Variants in NRG1 observed in about 807,000 individuals in gnomAD.
NRG1 encodes pro-neuregulin-1, membrane-bound isoform.
A neutral mutation model predicts 63.8 loss-of-function variants in NRG1; 18 were observed. The observed-to-expected ratio is 0.28, with a 90% CI of 0.19 to 0.42. The LOEUF (loss-of-function observed/expected upper bound fraction) is 0.42. NRG1 is among the 10% of genes least tolerant of loss of function. The pLI is 1.00. For missense variants in NRG1, 762 were observed against 814.7 expected, an observed-to-expected ratio of 0.94 and a Z score of 0.79; for synonymous variants, 302 against 301.3, an observed-to-expected ratio of 1.00 and a Z score of -0.02.
At chr8:32,374,484 C>T (rs550465834) in intron 1 of NRG1, among the ~76,000 whole-genome samples, 27 of 152,202 alleles carry the variant, frequency 1.8e-4, no homozygotes, top group Non-Finnish European at 3.7e-4. Flanking sequence ...ATCTGTGTCG[C>T]ACTCACTCTT....
intron 5 of NRG1, among the ~76,000 whole-genome samples, chr8:32,684,152 C>T (rs1056690802): frequency 6.6e-5 from 10 of 152,152 alleles, no homozygotes; most frequent in African/African-American, 1.7e-4. Flanking sequence ...AACAATACAG[C>T]GAGACTTTAT....
At chr8:32,351,005 C>A (rs1273477470) in intron 1 of NRG1, among the ~76,000 whole-genome samples, 1 of 152,180 alleles carries the variant, frequency 6.6e-6, no homozygotes, top group African/African-American at 2.4e-5. Context: ...TCCATTCCCA[C>A]CTCCCCTTTT....
exon 3 of NRG1, chr8:32,605,577 C>T (rs751324419): frequency 6.2e-7 from 1 of 1,613,274 alleles, no homozygotes; most frequent in Non-Finnish European, 8.5e-7. Flanking sequence ...CAGAACTTCG[C>T]ATTAACAAAG....
intron 1 of NRG1, among the ~76,000 whole-genome samples, chr8:31,935,786 C>T (rs1835254285): frequency 6.6e-6 from 1 of 152,192 alleles, no homozygotes; most frequent in Admixed American, 6.5e-5. Flanking sequence ...CATGACTACA[C>T]ATTTCTGGCT....
chr8:32,296,103 C>A (rs918124428), intron 1 of NRG1, among the ~76,000 whole-genome samples: 2 of 152,036 alleles, frequency 1.3e-5, no homozygotes, highest in Non-Finnish European at 2.9e-5. Context: ...AGATTACCAG[C>A]GCATTAAGGA....
chr8:31,805,668 A>G (rs551030168), intron 1 of NRG1, among the ~76,000 whole-genome samples: 90 of 152,048 alleles, frequency 5.9e-4, no homozygotes, highest in Non-Finnish European at 1.1e-3. Context: ...GTCTACTAAA[A>G]ATACAAAAAG....
chr8:32,242,339 T>C (rs909665829), intron 1 of NRG1, among the ~76,000 whole-genome samples: 1 of 151,598 alleles, frequency 6.6e-6, no homozygotes, highest in African/African-American at 2.4e-5. Flanking sequence ...GGGAGTGTGG[T>C]GGTGGGCGCC....
At chr8:32,225,656 T>C (rs1846246281) in intron 1 of NRG1, among the ~76,000 whole-genome samples, 1 of 152,084 alleles carries the variant, frequency 6.6e-6, no homozygotes, top group Non-Finnish European at 1.5e-5. Flanking sequence ...AAATATACTA[T>C]TGAACAGGTG....
intron 1 of NRG1, among the ~76,000 whole-genome samples, chr8:31,956,821 T>A (rs1804517957): frequency 6.6e-6 from 1 of 152,214 alleles, no homozygotes. Flanking sequence ...GCTCATGACT[T>A]TCCAGCAATT....
At chr8:31,704,799 T>C (rs909137556) in intron 1 of NRG1, among the ~76,000 whole-genome samples, 8 of 139,650 alleles carry the variant, frequency 5.7e-5, no homozygotes, top group African/African-American at 2.2e-4. Context: ...GCCACTGCAC[T>C]CCAGCCTGGG....
chr8:32,173,343 T>C (rs1395253510), intron 1 of NRG1, among the ~76,000 whole-genome samples: 1 of 151,990 alleles, frequency 6.6e-6, no homozygotes, highest in Non-Finnish European at 1.5e-5. Context: ...GAAGGAAGCA[T>C]TAAACATGGA....
intron 1 of NRG1, among the ~76,000 whole-genome samples, chr8:32,311,091 A>T (rs41388144): frequency 6.6e-6 from 1 of 152,096 alleles, no homozygotes; most frequent in Non-Finnish European, 1.5e-5. Flanking sequence ...ATGTAGTACC[A>T]GTCAGGCACT....
At chr8:32,478,478 ATTAT>A (rs1824822975) in intron 1 of NRG1, among the ~76,000 whole-genome samples, 1 of 152,236 alleles carries the variant, frequency 6.6e-6, no homozygotes, top group South Asian at 2.1e-4. Context: ...TGTTTTACGT[ATTAT>A]TTATTTATTT....
chr8:32,574,116 T>A (rs531271733), intron 1 of NRG1, among the ~76,000 whole-genome samples: 9 of 152,282 alleles, frequency 5.9e-5, no homozygotes, highest in African/African-American at 2.2e-4. Context: ...TAAACATACA[T>A]GTGCGTGTGT....
intron 1 of NRG1, among the ~76,000 whole-genome samples, chr8:32,216,994 C>G (rs892476545): frequency 6.6e-6 from 1 of 151,936 alleles, no homozygotes; most frequent in Admixed American, 6.6e-5. Flanking sequence ...GGGAGGATCT[C>G]TTGAGATCAG....
intron 1 of NRG1, among the ~76,000 whole-genome samples, chr8:32,148,057 G>A (rs1366610585): frequency 6.6e-6 from 1 of 151,838 alleles, no homozygotes; most frequent in African/African-American, 2.4e-5. Context: ...AGGTTTTTTT[G>A]TTATTATGTG....
At position 31,739,044 on chromosome 8, in the gene NRG1, G is replaced by A. The variant is rs141924689; in HGVS notation, c.37+99613G>A. On this transcript the variant is annotated intron_variant, in intron 1 of 10. Transcript: ENST00000519301. ...ACATCTGTGTGTGTGTGGTGTGCAC[G>A]TATGTGTATGTGTTTGTAAGTGCAC... 9.2e-4 allele frequency among the ~76,000 whole-genome samples: 140 copies of A among 152,202 alleles called. 1 individual carries two copies. In the Middle Eastern group the frequency reaches 0.014, roughly 15 times the overall value.
intron 1 of NRG1, among the ~76,000 whole-genome samples, chr8:32,387,559 T>C (rs1313693478): frequency 6.6e-6 from 1 of 152,156 alleles, no homozygotes; most frequent in African/African-American, 2.4e-5. Flanking sequence ...CAAAGTCTGA[T>C]TCCCAGGAAT....
intron 1 of NRG1, among the ~76,000 whole-genome samples, chr8:31,861,746 A>T (rs1828494404): frequency 6.6e-6 from 1 of 152,164 alleles, no homozygotes; most frequent in African/African-American, 2.4e-5. Context: ...CTTTTTTCCA[A>T]ATCATCTTTG....
Sources: allele counts gnomAD v4.1 joint callset (sites outside exome capture counted in the v4.1 genomes callset), GRCh38; gene constraint gnomAD v4.1.1; transcripts MANE v1.5; gene names NCBI Gene and HGNC (gene_info 2026-07-23, HGNC 2026-07-21).